The following TRPM3 variants were observed in gnomAD, a reference collection of about 807,000 sequenced individuals.
TRPM3 encodes long transient receptor potential channel 3.
Under a neutral mutation model 181.2 loss-of-function variants are expected in TRPM3, and 77 were observed. The observed-to-expected ratio is 0.42, with a 90% CI of 0.35 to 0.51. The LOEUF is 0.51. TRPM3 is among the 20% of genes least tolerant of loss of function. The pLI is 0.01. For missense variants in TRPM3, 1,759 were observed against 2,196.7 expected, an observed-to-expected ratio of 0.80 and a Z score of 3.98; for synonymous variants, 745 against 796.4, an observed-to-expected ratio of 0.94 and a Z score of 1.09.
intron 1 of TRPM3, among the ~76,000 whole-genome samples, chr9:71,371,336 A>G (rs941152230): frequency 4.6e-5 from 7 of 152,234 alleles, no homozygotes; most frequent in Non-Finnish European, 2.9e-5. Context: ...AGGATCCACC[A>G]TTCTAGATGC....
At chr9:71,363,453 C>A (rs1383226332) in intron 1 of TRPM3, among the ~76,000 whole-genome samples, 1 of 152,116 alleles carries the variant, frequency 6.6e-6, no homozygotes, top group Non-Finnish European at 1.5e-5. Flanking sequence ...CTTTATCATT[C>A]CAGTGTTATT....
At chr9:70,947,677 C>T (rs1418126385) in intron 1 of TRPM3, among the ~76,000 whole-genome samples, 1 of 152,098 alleles carries the variant, frequency 6.6e-6, no homozygotes, top group Admixed American at 6.6e-5. Context: ...AGGAAAGCTG[C>T]CCTACTTCTG....
At position 71,225,692 on chromosome 9, in the gene TRPM3, C is replaced by T. The variant is rs115688301; in HGVS notation, c.183+220961G>A. Among the ~76,000 whole-genome samples the T allele has an allele frequency of 1.4e-3, 214 of 152,114 alleles. 3 individuals are homozygous for T. Among genetic ancestry groups the T allele is most frequent in the African/African-American group, 4.6e-3 (191 of 41,498 alleles). ...TTTTCTTTTTTGAGATGGAGTCTTG[C>T]TGTCACCCAAGTTGGAATGCAGTGG... On this transcript the variant is annotated intron_variant, in intron 1 of 24. Coordinates refer to the TRPM3 transcript ENST00000357533.
chr9:70,885,900 C>T (rs1263916759), intron 1 of TRPM3, among the ~76,000 whole-genome samples: 2 of 152,130 alleles, frequency 1.3e-5, no homozygotes, highest in African/African-American at 2.4e-5. Flanking sequence ...AGAAACAGCA[C>T]AAATTGCCCT....
intron 1 of TRPM3, among the ~76,000 whole-genome samples, chr9:71,420,899 GA>G (rs372400827): frequency 1.1e-5 from 1 of 90,944 alleles, no homozygotes; most frequent in Non-Finnish European, 2.4e-5. Context: ...AAAAGGGAGA[GA>G]AAAAGGGAGA....
At chr9:71,167,876 G>A (rs1419044001) in intron 1 of TRPM3, among the ~76,000 whole-genome samples, 1 of 152,156 alleles carries the variant, frequency 6.6e-6, no homozygotes, top group Admixed American at 6.5e-5. Context: ...TAAGTGGAGG[G>A]CAGGGTGTAG....
rs991190928 is a variant in TRPM3, at chr9:70,536,106, A to G, written c.5007T>C (p.Ser1669=). Residue 1669 remains serine, a synonymous_variant, in exon 26 of 26, where the codon AGT becomes AGC. Coordinates refer to ENST00000677713, the MANE Select transcript of TRPM3 (RefSeq NM_001366145.2). ...YAHTRKSFSI[S]DKLDRQRNTA... The stretch of plus-strand genomic sequence containing the variant: ...TGTTCCGCTGCCTGTCGAGTTTGTC[A>G]CTGATGGAGAAGCTCTTCCTGGTGT... The G allele has an allele frequency of 5.6e-6, 9 of 1,613,992 alleles. No individual in the cohort carries two copies. The African/African-American group carries it at 8.0e-5, about 14-fold the overall frequency.
intron 1 of TRPM3, among the ~76,000 whole-genome samples, chr9:71,436,494 G>C (rs1305995457): frequency 4.0e-5 from 6 of 151,502 alleles, no homozygotes; most frequent in Non-Finnish European, 8.8e-5. Context: ...GTAGAGACGG[G>C]GGGTTTCACC....
chr9:70,977,581 C>A (rs1051483981), intron 1 of TRPM3, among the ~76,000 whole-genome samples: 1 of 152,150 alleles, frequency 6.6e-6, no homozygotes, highest in Non-Finnish European at 1.5e-5. Context: ...TAGCACAGAC[C>A]CCACACATTA....
chr9:71,053,988 G>A (rs2060365842), intron 1 of TRPM3, among the ~76,000 whole-genome samples: 1 of 152,134 alleles, frequency 6.6e-6, no homozygotes, highest in South Asian at 2.1e-4. Flanking sequence ...GCCTTACATG[G>A]TATGGTGAAG....
intron 24 of TRPM3, 130 bp from the exon 25 acceptor site, chr9:70,549,804 CAAATG>C: frequency 4.4e-6 from 4 of 903,794 alleles, no homozygotes; most frequent in Non-Finnish European, 4.7e-6. Context: ...TGTTAAGTCT[CAAATG>C]AAATCCAAAT....
At chr9:71,362,583 TAA>T (rs935921455) in intron 1 of TRPM3, among the ~76,000 whole-genome samples, 8 of 152,186 alleles carry the variant, frequency 5.3e-5, no homozygotes, top group African/African-American at 1.9e-4. Flanking sequence ...TCTAAAAATA[TAA>T]GAGTTGAAAT....
intron 1 of TRPM3, among the ~76,000 whole-genome samples, chr9:71,117,184 T>G (rs2072584171): frequency 6.6e-6 from 1 of 152,228 alleles, no homozygotes; most frequent in Non-Finnish European, 1.5e-5. Context: ...TCTAATCTAA[T>G]CTTTCAGCTT....
chr9:70,833,956 G>A (rs1487636549), intron 5 of TRPM3, among the ~76,000 whole-genome samples: 1 of 151,980 alleles, frequency 6.6e-6, no homozygotes, highest in Non-Finnish European at 1.5e-5. Flanking sequence ...CTGCGTCTGA[G>A]ATAAAGGAAC....
intron 1 of TRPM3, among the ~76,000 whole-genome samples, chr9:71,168,581 TTTTATTTTTTTATTTTTATTTTTA>T (rs2076667317): frequency 2.5e-5 from 2 of 80,828 alleles, no homozygotes; most frequent in Non-Finnish European, 4.8e-5. Context: ...TATTTTTGTT[TTTTATTTTTTTATTTTTATTTTTA>T]TTTATTTTTT....
intron 7 of TRPM3, among the ~76,000 whole-genome samples, chr9:70,782,997 T>C (rs1179043266): frequency 6.6e-6 from 1 of 152,054 alleles, no homozygotes; most frequent in East Asian, 1.9e-4. Context: ...ATGCTCAGTC[T>C]CTATTTAAAT....
chr9:70,963,526 C>T (rs1016489096), intron 1 of TRPM3, among the ~76,000 whole-genome samples: 1 of 152,088 alleles, frequency 6.6e-6, no homozygotes, highest in Non-Finnish European at 1.5e-5. Flanking sequence ...TGGCAATTGT[C>T]CATGTCTTGG....
At chr9:71,260,719 C>A (rs1462541587) in intron 1 of TRPM3, among the ~76,000 whole-genome samples, 1 of 152,128 alleles carries the variant, frequency 6.6e-6, no homozygotes, top group East Asian at 1.9e-4. Flanking sequence ...GTGATTTTTG[C>A]ACATTGATTT....
intron 1 of TRPM3, among the ~76,000 whole-genome samples, chr9:70,959,938 G>C (rs2097120688): frequency 6.6e-6 from 1 of 152,120 alleles, no homozygotes; most frequent in Non-Finnish European, 1.5e-5. Context: ...CTTTAGCCTA[G>C]ATAAGTAACT....
Sources: gnomAD v4.1 joint callset for allele counts (sites outside exome capture counted in the v4.1 genomes callset) on GRCh38, gnomAD v4.1.1 for gene constraint, MANE v1.5 for transcripts, NCBI Gene and HGNC (gene_info 2026-07-23, HGNC 2026-07-21) for gene names.